The following SPATA16 variants were observed in gnomAD, a reference collection of about 807,000 sequenced individuals.
The protein encoded by SPATA16 is spermatogenesis-associated protein 16.
In SPATA16, 36 loss-of-function variants were observed where a neutral mutation model predicts 63.3. The ratio of observed to expected loss-of-function variants is 0.57; its 90% CI spans 0.44 to 0.75. SPATA16 has a LOEUF of 0.75. Among genes scored for constraint, SPATA16 ranks in the 30% least tolerant of loss-of-function variants. SPATA16 has a pLI of 0.00. For synonymous variants in SPATA16, 203 were observed against 216.7 expected, an observed-to-expected ratio of 0.94 and a Z score of 0.56; for missense variants, 646 against 679.3, an observed-to-expected ratio of 0.95 and a Z score of 0.54.
At chr3:172,897,676 A>G (rs554795403) in intron 10 of SPATA16, among the ~76,000 whole-genome samples, 2 of 152,160 alleles carry the variant, frequency 1.3e-5, no homozygotes, top group South Asian at 4.1e-4. Flanking sequence ...GGGGATTTTT[A>G]TGTAGACAAT....
At position 173,084,598 on chromosome 3, in the gene SPATA16, C is replaced by G. The variant is rs1737002148; in HGVS notation, c.612+32522G>C. Among the ~76,000 whole-genome samples the G allele has an allele frequency of 2.0e-5, 3 of 152,240 alleles. No individual in the cohort carries two copies. The South Asian group carries it at 6.2e-4, about 32-fold the overall frequency. Reference sequence around the variant, plus strand: ...TTTGTCATGAAATCTTTGCCTGTCTCTATGTCCTGAATGGTATTGCCTAGA... The same window carrying G: ...TTTGTCATGAAATCTTTGCCTGTCTGTATGTCCTGAATGGTATTGCCTAGA... On this transcript the variant is annotated intron_variant, in intron 2 of 10. Coordinates refer to ENST00000351008, the MANE Select transcript of SPATA16 (RefSeq NM_031955.6).
intron 4 of SPATA16, among the ~76,000 whole-genome samples, chr3:173,003,776 A>G (rs987235907): frequency 6.6e-6 from 1 of 152,240 alleles, no homozygotes; most frequent in East Asian, 1.9e-4. Flanking sequence ...TGTATCAACA[A>G]TGACAGCAGT....
At chr3:172,952,461 A>G (rs1379187405) in intron 6 of SPATA16, among the ~76,000 whole-genome samples, 1 of 152,120 alleles carries the variant, frequency 6.6e-6, no homozygotes, top group Non-Finnish European at 1.5e-5. Flanking sequence ...GCCTCTTTCC[A>G]TGCTTCTCCC....
At chr3:172,940,828 A>G (rs867774210) in intron 6 of SPATA16, among the ~76,000 whole-genome samples, 1 of 151,940 alleles carries the variant, frequency 6.6e-6, no homozygotes, top group African/African-American at 2.4e-5. Flanking sequence ...ACTAGCATAC[A>G]AAAAATTAGC....
intron 4 of SPATA16, among the ~76,000 whole-genome samples, chr3:172,993,675 T>G (rs1332139515): frequency 6.6e-6 from 1 of 152,178 alleles, no homozygotes; most frequent in Non-Finnish European, 1.5e-5. Context: ...GTGTATAGGT[T>G]GTATACACAA....
chr3:172,991,411 T>A (rs1734574649), intron 4 of SPATA16, among the ~76,000 whole-genome samples: 1 of 152,214 alleles, frequency 6.6e-6, no homozygotes, highest in African/African-American at 2.4e-5. Flanking sequence ...CAATAAATTC[T>A]TACTAAACTC....
At chr3:173,013,667 T>G (rs919615072) in intron 4 of SPATA16, among the ~76,000 whole-genome samples, 6 of 152,224 alleles carry the variant, frequency 3.9e-5, no homozygotes, top group African/African-American at 1.4e-4. Flanking sequence ...GTCCATTATC[T>G]TGGTTTGCCT....
At chr3:173,015,448 A>G (rs1402097829) in intron 4 of SPATA16, among the ~76,000 whole-genome samples, 2 of 152,130 alleles carry the variant, frequency 1.3e-5, no homozygotes, top group Non-Finnish European at 2.9e-5. Context: ...TTCTTACACA[A>G]TGTGGTTTTA....
intron 3 of SPATA16, among the ~76,000 whole-genome samples, chr3:173,034,203 A>G (rs1179310180): frequency 5.3e-5 from 8 of 152,192 alleles, no homozygotes; most frequent in Non-Finnish European, 1.2e-4. Context: ...GCCTTATTGT[A>G]TGGAAATAAG....
At chr3:172,956,890 A>G in intron 5 of SPATA16, 66 bp from the exon 6 acceptor site, 1 of 1,567,876 alleles carries the variant, frequency 6.4e-7, no homozygotes, top group Non-Finnish European at 8.7e-7. Context: ...AATGTAAAAA[A>G]TATAATTACC....
chr3:172,991,834 T>C (rs1415760854), intron 4 of SPATA16, among the ~76,000 whole-genome samples: 2 of 152,172 alleles, frequency 1.3e-5, no homozygotes, highest in Non-Finnish European at 2.9e-5. Context: ...GTGAACAGCA[T>C]AGGCAAAGTT....
intron 4 of SPATA16, among the ~76,000 whole-genome samples, chr3:173,019,184 C>T (rs914000502): frequency 2.0e-5 from 3 of 152,066 alleles, no homozygotes; most frequent in African/African-American, 7.2e-5. Flanking sequence ...ACAATGTGGA[C>T]AAGAACATCC....
intron 10 of SPATA16, among the ~76,000 whole-genome samples, chr3:172,906,985 A>G (rs777558083): frequency 7.9e-5 from 12 of 152,054 alleles, no homozygotes; most frequent in Non-Finnish European, 1.8e-4. Flanking sequence ...ACCTCTCATG[A>G]GGATTATGAG....
chr3:172,923,342 A>G (rs1268384298), intron 8 of SPATA16, among the ~76,000 whole-genome samples: 2 of 152,226 alleles, frequency 1.3e-5, no homozygotes, highest in Admixed American at 6.5e-5. Flanking sequence ...CAAACAGATT[A>G]GGTGTTTTTT....
At chr3:173,095,113 T>G (rs1328665483) in intron 2 of SPATA16, among the ~76,000 whole-genome samples, 1 of 152,176 alleles carries the variant, frequency 6.6e-6, no homozygotes, top group Non-Finnish European at 1.5e-5. Flanking sequence ...TAGGGTGATC[T>G]TTATCAAGTT....
intron 2 of SPATA16, among the ~76,000 whole-genome samples, chr3:173,113,072 C>T (rs1403999710): frequency 6.6e-6 from 1 of 152,146 alleles, no homozygotes; most frequent in South Asian, 2.1e-4. Context: ...ATTTATTAAT[C>T]TTTTCCTACT....
intron 2 of SPATA16, among the ~76,000 whole-genome samples, chr3:173,100,078 A>T (rs1397157353): frequency 6.6e-6 from 1 of 152,162 alleles, no homozygotes; most frequent in Admixed American, 6.5e-5. Flanking sequence ...ATGCACTCCC[A>T]GTGTTCATGC....
intron 2 of SPATA16, among the ~76,000 whole-genome samples, chr3:173,056,628 C>T (rs775142573): frequency 2.1e-5 from 3 of 142,808 alleles, no homozygotes; most frequent in Admixed American, 7.4e-5. Context: ...CTCTTGAACC[C>T]AGGAGGCGGA....
In SPATA16 at chr3:173,103,634, G is replaced by A. The variant is rs149144748; in HGVS notation, c.612+13486C>T. ...TCCTGAGGCTGTGCAGGGCAGTGGG[G>A]CACTGGCTCTAGGACATGAAACCAT... On this transcript the variant is annotated intron_variant, in intron 2 of 10. Transcript: ENST00000351008. Among the ~76,000 whole-genome samples, 274 of 152,340 alleles carry A rather than the reference G, an allele frequency of 1.8e-3. 1 individual carries two copies. The highest frequency in any genetic ancestry group is 6.2e-3 in the African/African-American group (259 of 41,584).
Sources: gnomAD v4.1 joint callset for allele counts (sites outside exome capture counted in the v4.1 genomes callset) on GRCh38, gnomAD v4.1.1 for gene constraint, MANE v1.5 for transcripts, NCBI Gene and HGNC (gene_info 2026-07-23, HGNC 2026-07-21) for gene names.